The following TANC2 variants were observed in gnomAD, a reference collection of about 807,000 sequenced individuals.
TANC2 encodes tetratricopeptide repeat, ankyrin repeat and coiled-coil containing 2.
A neutral mutation model predicts 210.5 loss-of-function variants in TANC2; 26 were observed. That is an observed-to-expected ratio of 0.12 (90% CI 0.09 to 0.17). The LOEUF is 0.17. TANC2 is among the 10% of genes least tolerant of loss of function. The pLI, the probability that TANC2 is intolerant of heterozygous loss-of-function variation, is 1.00. For synonymous variants in TANC2, 931 were observed against 967.1 expected (o/e 0.96, Z 0.69); for missense variants, 2,129 against 2,608.9 (o/e 0.82, Z 4.01).
chr17:63,398,676 A>G (rs2048246381), intron 18 of TANC2, 145 bp from the exon 19 acceptor site: 3 of 528,644 alleles, frequency 5.7e-6, no homozygotes, highest in Non-Finnish European at 1.0e-5. Context: ...GAGTTTCTTT[A>G]TTAGGACGGT....
At chr17:63,325,744 T>C (rs1393667860) in intron 11 of TANC2, among the ~76,000 whole-genome samples, 3 of 152,214 alleles carry the variant, frequency 2.0e-5, no homozygotes, top group Admixed American at 6.5e-5. Context: ...TGGGTACTTA[T>C]ACATGATAGT....
intron 4 of TANC2, among the ~76,000 whole-genome samples, chr17:63,137,822 T>C (rs1200851312): frequency 6.6e-6 from 1 of 152,212 alleles, no homozygotes; most frequent in African/African-American, 2.4e-5. Context: ...TCTTAGGTCC[T>C]GATGATGTAT....
exon 17 of TANC2, chr17:63,389,325 T>G: frequency 1.2e-6 from 2 of 1,611,346 alleles, no homozygotes; most frequent in South Asian, 2.2e-5. Context: ...GACTGCTGAT[T>G]TTGGGAGGTG....
intron 3 of TANC2, among the ~76,000 whole-genome samples, chr17:63,080,596 A>T (rs747060292): frequency 4.6e-5 from 7 of 152,230 alleles, no homozygotes; most frequent in Non-Finnish European, 8.8e-5. Context: ...AGTATATTAA[A>T]TTGTCAAATA....
chr17:63,107,700 G>A (rs1385978053), intron 4 of TANC2, among the ~76,000 whole-genome samples: 2 of 151,690 alleles, frequency 1.3e-5, no homozygotes, highest in Non-Finnish European at 2.9e-5. Flanking sequence ...CTAAGTGAAG[G>A]AAACCAGTCA....
intron 3 of TANC2, among the ~76,000 whole-genome samples, chr17:63,075,665 T>C (rs2036546684): frequency 6.6e-6 from 1 of 152,082 alleles, no homozygotes; most frequent in South Asian, 2.1e-4. Context: ...CCTGGGTAGA[T>C]GGGATTACAG....
chr17:63,394,950 GATGGAACTGAA>G (rs2048106231), intron 17 of TANC2, among the ~76,000 whole-genome samples: 3 of 152,200 alleles, frequency 2.0e-5, no homozygotes, highest in Non-Finnish European at 2.9e-5. Flanking sequence ...TGGATGGCTG[GATGGAACTGAA>G]ATCAGTAGGA....
intron 5 of TANC2, among the ~76,000 whole-genome samples, chr17:63,190,412 A>C (rs1029232511): frequency 1.3e-5 from 2 of 152,186 alleles, no homozygotes; most frequent in Non-Finnish European, 2.9e-5. Flanking sequence ...TCATTGGTCT[A>C]TTCTGATGCC....
chr17:63,394,024 G>A (rs572652081), intron 17 of TANC2, among the ~76,000 whole-genome samples: 109 of 152,012 alleles, frequency 7.2e-4, no homozygotes, highest in Non-Finnish European at 1.1e-3. Context: ...CACCCGCCTC[G>A]GCCTCCCAAA....
At chr17:63,172,004 A>G (rs1162332482) in intron 5 of TANC2, among the ~76,000 whole-genome samples, 1 of 152,134 alleles carries the variant, frequency 6.6e-6, no homozygotes, top group African/African-American at 2.4e-5. Flanking sequence ...GAGCAATGAT[A>G]TTTTATTTTC....
intron 4 of TANC2, among the ~76,000 whole-genome samples, chr17:63,142,189 A>C (rs915973114): frequency 1.3e-5 from 2 of 152,302 alleles, no homozygotes; most frequent in Non-Finnish European, 2.9e-5. Flanking sequence ...ATTTCTTCTT[A>C]AGGCAGTTGT....
chr17:63,167,962 T>A (rs2040272163), intron 5 of TANC2, among the ~76,000 whole-genome samples: 1 of 151,094 alleles, frequency 6.6e-6, no homozygotes, highest in South Asian at 2.1e-4. Context: ...GCATTATTGC[T>A]AGCTCCCATT....
At chr17:63,311,593 G>A (rs1196270342) in intron 9 of TANC2, among the ~76,000 whole-genome samples, 1 of 152,094 alleles carries the variant, frequency 6.6e-6, no homozygotes, top group South Asian at 2.1e-4. Flanking sequence ...TCTCAGAAAA[G>A]TGAACCTAAG....
At chr17:63,110,169 C>T (rs1427715420) in intron 4 of TANC2, among the ~76,000 whole-genome samples, 1 of 151,554 alleles carries the variant, frequency 6.6e-6, no homozygotes, top group Non-Finnish European at 1.5e-5. Context: ...CACATTTTGA[C>T]ATCCTTTAGT....
At chr17:63,065,352 G>T (rs2036157913) in intron 2 of TANC2, among the ~76,000 whole-genome samples, 1 of 152,210 alleles carries the variant, frequency 6.6e-6, no homozygotes, top group Non-Finnish European at 1.5e-5. Flanking sequence ...ATTGTGAACA[G>T]TGTTGTAATG....
chr17:63,090,276 A>G (rs558962169), intron 3 of TANC2, among the ~76,000 whole-genome samples: 2 of 148,932 alleles, frequency 1.3e-5, no homozygotes, highest in African/African-American at 5.0e-5. Flanking sequence ...GGTTTGTTAC[A>G]TATGTATACG....
chr17:63,021,018 G>A (rs1196884947), intron 2 of TANC2, among the ~76,000 whole-genome samples: 2 of 152,120 alleles, frequency 1.3e-5, no homozygotes, highest in Non-Finnish European at 2.9e-5. Flanking sequence ...CCCTTCATGA[G>A]CTACCCTCAT....
intron 7 of TANC2, among the ~76,000 whole-genome samples, chr17:63,209,907 GT>G (rs1462876079): frequency 6.6e-6 from 1 of 152,050 alleles, no homozygotes; most frequent in African/African-American, 2.4e-5. Context: ...TGATGAAATA[GT>G]TTTTCTCCTT....
chr17:63,117,728 C>A (rs2038307189), intron 4 of TANC2, among the ~76,000 whole-genome samples: 2 of 152,136 alleles, frequency 1.3e-5, no homozygotes, highest in African/African-American at 4.8e-5. Context: ...GGAAAAGACT[C>A]TGTAGTATTG....
Sources: allele counts gnomAD v4.1 joint callset (sites outside exome capture counted in the v4.1 genomes callset), GRCh38; gene constraint gnomAD v4.1.1; transcripts MANE v1.5; gene names NCBI Gene and HGNC (gene_info 2026-07-23, HGNC 2026-07-21).